Variants in ANO4 observed in about 807,000 individuals in gnomAD.
ANO4 encodes anoctamin 4, also known as anoctamin-4.
A neutral mutation model predicts 141.9 loss-of-function variants in ANO4; 69 were observed. The ratio of observed to expected loss-of-function variants is 0.49; its 90% CI spans 0.40 to 0.59. The LOEUF (loss-of-function observed/expected upper bound fraction) is 0.59, where lower values mean the gene tolerates loss of function less well. Ranked by LOEUF, ANO4 falls within the 20% of genes least tolerant of loss-of-function variation. The pLI is 0.00. For synonymous variants in ANO4, 350 were observed against 394.3 expected, an observed-to-expected ratio of 0.89 and a Z score of 1.33; for missense variants, 894 against 1,162.2, an observed-to-expected ratio of 0.77 and a Z score of 3.36.
intron 2 of ANO4, among the ~76,000 whole-genome samples, chr12:100,908,320 G>A (rs865929753): frequency 2.8e-4 from 42 of 152,272 alleles, no homozygotes; most frequent in African/African-American, 9.1e-4. Flanking sequence ...CTGCACTGCA[G>A]CCTGGGCAAC....
At chr12:100,774,236 A>G (rs1453715383) in intron 3 of ANO4, among the ~76,000 whole-genome samples, 1 of 152,220 alleles carries the variant, frequency 6.6e-6, no homozygotes, top group Non-Finnish European at 1.5e-5. Context: ...AGGAAGTTAA[A>G]TAATTATAAC....
At chr12:100,960,991 C>G (rs563602655) in intron 5 of ANO4, among the ~76,000 whole-genome samples, 2 of 152,130 alleles carry the variant, frequency 1.3e-5, no homozygotes, top group Non-Finnish European at 2.9e-5. Flanking sequence ...CTGGGATTAC[C>G]TACAAAGGGA....
intron 5 of ANO4, among the ~76,000 whole-genome samples, chr12:100,966,033 T>A (rs2043638135): frequency 6.6e-6 from 1 of 152,052 alleles, no homozygotes; most frequent in South Asian, 2.1e-4. Context: ...CAGGAAACCC[T>A]GAAGATACTG....
chr12:100,952,078 G>T (rs543645265), intron 5 of ANO4, among the ~76,000 whole-genome samples: 1 of 152,158 alleles, frequency 6.6e-6, no homozygotes, highest in Non-Finnish European at 1.5e-5. Flanking sequence ...TAGTGTCTAG[G>T]GGGTAGCGCT....
chr12:100,801,298 A>C (rs997846357), intron 1 of ANO4, among the ~76,000 whole-genome samples: 16 of 152,246 alleles, frequency 1.1e-4, no homozygotes, highest in African/African-American at 3.1e-4. Context: ...GGAGAGTTTA[A>C]TTTTTCAAAC....
chr12:101,052,382 G>A (rs572921652), intron 14 of ANO4, among the ~76,000 whole-genome samples: 4 of 152,152 alleles, frequency 2.6e-5, no homozygotes, highest in South Asian at 2.1e-4. Flanking sequence ...CTCCTCTCCC[G>A]AGGGAAAAAA....
chr12:101,109,955 T>C (rs1407002739), intron 22 of ANO4, among the ~76,000 whole-genome samples: 2 of 152,228 alleles, frequency 1.3e-5, no homozygotes, highest in African/African-American at 2.4e-5. Flanking sequence ...ATTATTAATA[T>C]TCTTTCATAC....
At chr12:100,865,261 G>A (rs903395881) in intron 1 of ANO4, among the ~76,000 whole-genome samples, 1 of 152,014 alleles carries the variant, frequency 6.6e-6, no homozygotes, top group Admixed American at 6.6e-5. Context: ...GTGTAAAAGT[G>A]TCTATATTTC....
chr12:101,077,349 G>A (rs1451644820), intron 14 of ANO4, among the ~76,000 whole-genome samples: 1 of 152,050 alleles, frequency 6.6e-6, no homozygotes, highest in Admixed American at 6.5e-5. Flanking sequence ...GCTTTATAGT[G>A]TTTCACTGTA....
At chr12:100,717,294 T>C (rs567042576), upstream of ANO4, among the ~76,000 whole-genome samples, 4 of 151,450 alleles carry the variant, frequency 2.6e-5, no homozygotes, top group East Asian at 7.8e-4. Flanking sequence ...CGGCTGCCGG[T>C]CTACGCCCTC....
intron 1 of ANO4, among the ~76,000 whole-genome samples, chr12:100,861,288 C>T (rs1331796249): frequency 6.6e-6 from 1 of 152,170 alleles, no homozygotes; most frequent in Non-Finnish European, 1.5e-5. Flanking sequence ...CACCTCTCAA[C>T]AGTGTGTACT....
intron 3 of ANO4, among the ~76,000 whole-genome samples, chr12:100,923,887 G>C (rs1484990904): frequency 3.3e-5 from 5 of 152,132 alleles, no homozygotes; most frequent in Admixed American, 1.3e-4. Flanking sequence ...CTGATGGCCA[G>C]TGATGATGAG....
chr12:101,017,193 A>T (rs188244092), intron 8 of ANO4, among the ~76,000 whole-genome samples: 46 of 152,290 alleles, frequency 3.0e-4, no homozygotes, highest in African/African-American at 1.0e-3. Flanking sequence ...ATCATGGTGG[A>T]AGATGAAGGA....
chr12:100,897,735 G>T (rs1275202183), intron 1 of ANO4, among the ~76,000 whole-genome samples: 16 of 152,200 alleles, frequency 1.1e-4, no homozygotes, highest in African/African-American at 3.6e-4. Flanking sequence ...GTGTCAAGGG[G>T]AAGGTACAGC....
At chr12:101,044,086 C>T (rs1466675840) in intron 13 of ANO4, among the ~76,000 whole-genome samples, 1 of 152,112 alleles carries the variant, frequency 6.6e-6, no homozygotes, top group Non-Finnish European at 1.5e-5. Flanking sequence ...CATCATTTGC[C>T]TCCTCTTCAT....
intron 1 of ANO4, among the ~76,000 whole-genome samples, chr12:100,844,990 C>T (rs180880717): frequency 3.7e-4 from 56 of 152,162 alleles, no homozygotes; most frequent in African/African-American, 1.3e-3. Context: ...GAAAACCAGG[C>T]AGATATTTTA....
chr12:101,042,306 A>G (rs1335360793), intron 11 of ANO4, 28 bp from the exon 12 acceptor site: 22 of 1,613,776 alleles, frequency 1.4e-5, no homozygotes, highest in Non-Finnish European at 1.9e-5. Flanking sequence ...CTGCACTGTA[A>G]TTTGCAAGGC....
At chr12:100,977,880 C>T (rs1356840096) in intron 7 of ANO4, among the ~76,000 whole-genome samples, 2 of 152,236 alleles carry the variant, frequency 1.3e-5, no homozygotes, top group African/African-American at 2.4e-5. Context: ...CCACTCTTTG[C>T]TCCATCCATA....
At chr12:100,886,773 C>CA (rs1593637907) in intron 1 of ANO4, among the ~76,000 whole-genome samples, 2 of 152,158 alleles carry the variant, frequency 1.3e-5, no homozygotes, top group East Asian at 3.9e-4. Context: ...CAACAGAGAC[C>CA]ATATGGCCCA....
Sources: gnomAD v4.1 joint callset for allele counts (sites outside exome capture counted in the v4.1 genomes callset) on GRCh38, gnomAD v4.1.1 for gene constraint, MANE v1.5 for transcripts, NCBI Gene and HGNC (gene_info 2026-07-23, HGNC 2026-07-21) for gene names.